Variants in SLC8A2 observed in about 807,000 individuals in gnomAD.
SLC8A2 encodes the protein sodium/calcium exchanger 2.
A neutral mutation model predicts 70.2 loss-of-function variants in SLC8A2; 14 were observed. The observed-to-expected ratio is 0.20, with a 90% confidence interval of 0.13 to 0.31. The LOEUF is 0.31. Among genes scored for constraint, SLC8A2 ranks in the 10% least tolerant of loss-of-function variants. The probability of loss-of-function intolerance (pLI) is 1.00; values close to 1 mark genes in which losing one functional copy is unlikely to be tolerated. For synonymous variants in SLC8A2, 575 were observed against 594.3 expected, an observed-to-expected ratio of 0.97 and a Z score of 0.47; for missense variants, 779 against 1,320.1, an observed-to-expected ratio of 0.59 and a Z score of 6.35.
intron 4 of SLC8A2, among the ~76,000 whole-genome samples, chr19:47,445,602 AT>A (rs1433489545): frequency 6.6e-6 from 1 of 151,994 alleles, no homozygotes; most frequent in African/African-American, 2.4e-5. Context: ...AGCGCCTCTA[AT>A]TAGTGCCTGC....
In SLC8A2 at chr19:47,447,760, G is replaced by A; in HGVS notation, c.1763+49C>T. On this transcript the variant is annotated intron_variant, in intron 4 of 9. Transcript: ENST00000236877. The surrounding 1 kb of genome is among the most constrained non-coding windows in gnomAD (Gnocchi z 5.1). The stretch of plus-strand genomic sequence containing the variant: ...CCGCCCCTGAGCCACATCAGGCCTC[G>A]CCCATTCCGAAGCCCCGCCCCTCTC... The A allele has an allele frequency of 1.3e-6, 2 of 1,506,436 alleles. No individual in the cohort carries two copies. Among genetic ancestry groups the A allele is most frequent in the Non-Finnish European group, 8.8e-7 (1 of 1,135,936 alleles). 93.3% of individuals were successfully genotyped at this position (1,506,436 alleles called of 1,614,324 possible). A position where few individuals can be genotyped will look rare whatever the true frequency, so the allele number is the denominator to read the frequency against.
Position 47,447,785 on chromosome 19 carries a change from C to A in SLC8A2, c.1763+24G>T. 6.4e-7 allele frequency: 1 copy of A among 1,564,084 alleles called. No individual in the cohort carries two copies. The highest frequency in any genetic ancestry group is 2.4e-5 in the East Asian group (1 of 41,898). On this transcript the variant is annotated intron_variant, in intron 4 of 9. Transcript: ENST00000236877. This position sits in a 1 kb window ranked among gnomAD's most constrained non-coding sequence, Gnocchi z 5.1. ...GCCCATTCCGAAGCCCCGCCCCTCT[C>A]CGGGCCGCCTCGGGCGTGCTCACAT...
rs1966927585 is a variant in SLC8A2 at position 47,429,859 on chromosome 19, G to C, written c.*230C>G. ...TCACCAACAGGATGGGCTGGAGTTG[G>C]GGTCACCGCAGGGGAGGAACCGGGG... is the stretch of plus-strand genomic sequence containing the variant. On this transcript the variant is annotated 3_prime_UTR_variant, in exon 10 of 10. Coordinates refer to ENST00000236877, the MANE Select transcript of SLC8A2 (RefSeq NM_015063.3). 1.7e-6 allele frequency: 1 copy of C among 591,982 alleles called. No homozygotes were observed. Among genetic ancestry groups the C allele is most frequent in the East Asian group, 2.8e-5 (1 of 35,134 alleles). The allele number at this position is 591,982 out of a possible 1,614,324, so 36.7% of individuals were successfully genotyped here.
chr19:47,466,930 G>A lies in SLC8A2; in HGVS notation c.-16-511C>T, dbSNP rs543794480. Among the ~76,000 whole-genome samples, 20 of 152,244 alleles carry A rather than the reference G, an allele frequency of 1.3e-4. No homozygotes were observed. Among genetic ancestry groups the A allele is most frequent in the African/African-American group, 3.9e-4 (16 of 41,544 alleles). The stretch of plus-strand genomic sequence containing the variant: ...AAATTAGCTGGGCAGGGTGGCGGGA[G>A]CCTGTAACCCCAGCTACTCGGGAGG... On this transcript the variant is annotated intron_variant, in intron 1 of 9. Coordinates refer to ENST00000236877, the MANE Select transcript of SLC8A2 (RefSeq NM_015063.3). This position sits in a 1 kb window ranked among gnomAD's most constrained non-coding sequence, Gnocchi z 6.9.
chr19:47,461,546 C>T (rs1967395359), intron 2 of SLC8A2, among the ~76,000 whole-genome samples: 1 of 152,070 alleles, frequency 6.6e-6, no homozygotes, highest in Non-Finnish European at 1.5e-5. Flanking sequence ...TAAAAATGAG[C>T]CTGGTAGGAA....
chr19:47,437,570 G>A lies in SLC8A2; in HGVS notation c.2011-9C>T. On this transcript the variant is annotated splice_polypyrimidine_tract_variant and intron_variant, in intron 7 of 9. Transcript: ENST00000236877. ...AGTTTATCCACCGTGTTCTGGGGAT[G>A]AGAGGGTGGGGGAGAGGTCACTGCC... 2 of 1,599,706 alleles carry A rather than the reference G, an allele frequency of 1.3e-6. No individual in the cohort carries two copies. The highest frequency in any genetic ancestry group is 1.7e-6 in the Non-Finnish European group (2 of 1,167,580).
intron 4 of SLC8A2, among the ~76,000 whole-genome samples, chr19:47,441,855 G>A (rs1967103691): frequency 6.6e-6 from 1 of 152,206 alleles, no homozygotes; most frequent in South Asian, 2.1e-4. Context: ...TGTAATCCCA[G>A]CACTTTGGGA....
rs900996972 is a variant in SLC8A2 at position 47,429,588 on chromosome 19, G to T, written c.*501C>A. The stretch of plus-strand genomic sequence containing the variant: ...GCTGAGCGGAGCTCCCTGAGGGCTG[G>T]GGGGAAGGGCTGGGAGCTGAGACGG... On this transcript the variant is annotated 3_prime_UTR_variant, in exon 10 of 10. Transcript: ENST00000236877. 1 of 160,102 alleles carries T rather than the reference G, an allele frequency of 6.2e-6. No individual in the cohort carries two copies. Among genetic ancestry groups the T allele is most frequent in the African/African-American group, 2.4e-5 (1 of 41,492 alleles). 9.9% of individuals were successfully genotyped at this position (160,102 alleles called of 1,614,324 possible).
At position 47,466,191 on chromosome 19, in the gene SLC8A2, C is replaced by T. The variant is rs368156880; in HGVS notation, c.213G>A (p.Arg71=). 1.9e-5 allele frequency: 30 copies of T among 1,613,498 alleles called. No homozygotes were observed. The highest frequency in any genetic ancestry group is 2.5e-5 in the Non-Finnish European group (29 of 1,179,592). Residue 71 remains arginine (R), a synonymous_variant, in exon 2 of 10, where the codon CGG becomes CGA. Coordinates refer to ENST00000236877, the MANE Select transcript of SLC8A2 (RefSeq NM_015063.3). The surrounding 1 kb of genome is among the most constrained non-coding windows in gnomAD (Gnocchi z 6.9). ...DDPSLGDKAA[R]AVVYFVAMVY... ...CCATGGCCACAAAGTACACCACTGC[C>T]CGTGCCGCCTTGTCACCCAGCGACG... is the stretch of plus-strand genomic sequence containing the variant.
At chr19:47,454,154 A>G (rs185297771) in intron 3 of SLC8A2, among the ~76,000 whole-genome samples, 1 of 152,230 alleles carries the variant, frequency 6.6e-6, no homozygotes, top group East Asian at 1.9e-4. Flanking sequence ...TCAAAAAACA[A>G]TAAAAAACAA....
At position 47,448,063 on chromosome 19, in the gene SLC8A2, C is replaced by A; in HGVS notation, c.1509G>T (p.Lys503Asn). The A allele has an allele frequency of 6.3e-7, 1 of 1,585,414 alleles. No homozygotes were observed. The change falls in exon 4 of 10, where the codon AAG (lysine) becomes AAT (asparagine). Residue 503 changes from lysine to asparagine, a missense_variant. By Grantham distance (94) the Lys-to-Asn change is moderately conservative. Around this residue, in one of 6 missense-constraint regions of SLC8A2, gnomAD observed 247 missense variants for 362.8 expected, o/e 0.68. Transcript: ENST00000236877. This position sits in a 1 kb window ranked among gnomAD's most constrained non-coding sequence, Gnocchi z 4.8. ...CCAGCAGCGGCGCCACCAGCCGCCCCTTGGGCCGCCCGCCGCCGTCCGGCT... is the reference window on the plus strand; with the variant it reads ...CCAGCAGCGGCGCCACCAGCCGCCCATTGGGCCGCCCGCCGCCGTCCGGCT... ...MFEPDGGGRPKGRLVAPLLAT... is the reference protein window; with the variant it reads ...MFEPDGGGRPNGRLVAPLLAT...
chr19:47,432,233 A>G lies in SLC8A2; in HGVS notation c.2323T>C (p.Cys775Arg). 6.2e-7 allele frequency: 1 copy of G among 1,614,104 alleles called. No homozygotes were observed. Among genetic ancestry groups the G allele is most frequent in the Non-Finnish European group, 8.5e-7 (1 of 1,179,978 alleles). Residue 775 changes from cysteine (C) to arginine (R), a missense_variant, in exon 9 of 10, where the codon TGC becomes CGC. Around this residue, in one of 6 missense-constraint regions of SLC8A2, gnomAD observed 108 missense variants for 269.6 expected, o/e 0.40. Transcript: ENST00000236877. The surrounding 1 kb of genome is among the most constrained non-coding windows in gnomAD (Gnocchi z 6.2). ...LIGDLASHFG[C>R]TVGLKDSVNA... ...ACAGAGTCCTTGAGGCCAACGGTGC[A>G]GCCGAAGTGGGAGGCGAGGTCCCCA...
At chr19:47,438,758 C>T (rs115388049) in intron 6 of SLC8A2, among the ~76,000 whole-genome samples, 233 of 152,216 alleles carry the variant, frequency 1.5e-3, no homozygotes, top group African/African-American at 5.1e-3. Flanking sequence ...ACCCTAATCC[C>T]GACTCTAACA....
intron 2 of SLC8A2, among the ~76,000 whole-genome samples, chr19:47,461,391 T>A (rs923237847): frequency 1.5e-4 from 22 of 147,662 alleles, no homozygotes; most frequent in Non-Finnish European, 2.5e-4. Flanking sequence ...CGCCTGTAAT[T>A]CCAGCTATTA....
Position 47,441,460 on chromosome 19 carries a change from G to C in SLC8A2, c.1764-20C>G. The C allele has an allele frequency of 6.8e-7, 1 of 1,467,694 alleles. No homozygotes were observed. The allele number at this position is 1,467,694 out of a possible 1,614,324, so 90.9% of individuals were successfully genotyped here. The stretch of plus-strand genomic sequence containing the variant: ...GTTTTCCTGTGCAGGGGGTAAGGGG[G>C]AGGCAGAACACTCAGTGTAAGGCCC... On this transcript the variant is annotated intron_variant, in intron 4 of 9. Coordinates refer to ENST00000236877, the MANE Select transcript of SLC8A2 (RefSeq NM_015063.3).
intron 2 of SLC8A2, among the ~76,000 whole-genome samples, chr19:47,458,386 C>G (rs1253959218): frequency 6.7e-6 from 1 of 148,272 alleles, no homozygotes; most frequent in Non-Finnish European, 1.5e-5. Flanking sequence ...CCACCTCTTT[C>G]TGTCTCTCTT....
intron 4 of SLC8A2, among the ~76,000 whole-genome samples, chr19:47,445,927 C>CAG (rs1049197488): frequency 6.6e-6 from 1 of 152,120 alleles, no homozygotes; most frequent in South Asian, 2.1e-4. Context: ...CCAAGCCAGA[C>CAG]AGAGAGAGAG....
intron 8 of SLC8A2, among the ~76,000 whole-genome samples, chr19:47,435,550 G>T (rs868211691): frequency 1.1e-4 from 15 of 133,270 alleles, no homozygotes; most frequent in African/African-American, 2.8e-4. Context: ...TCTTTTCTTC[G>T]TTTTTTTTTT....
At position 47,447,975 on chromosome 19, in the gene SLC8A2, G is replaced by A; in HGVS notation, c.1597C>T (p.His533Tyr). The A allele has an allele frequency of 6.4e-7, 1 of 1,561,072 alleles. No individual in the cohort carries two copies. The highest frequency in any genetic ancestry group is 1.2e-5 in the South Asian group (1 of 85,812). The change falls in exon 4 of 10, where the codon CAC (histidine) becomes TAC (tyrosine). Residue 533 changes from histidine to tyrosine, a missense_variant. Coordinates refer to ENST00000236877, the MANE Select transcript of SLC8A2 (RefSeq NM_015063.3). This position sits in a 1 kb window ranked among gnomAD's most constrained non-coding sequence, Gnocchi z 5.1. ...GIFSFQDRLL[H>Y]VSECMGTVDV... Reference sequence around the variant, plus strand: ...ACGGTGCCCATGCACTCGCTCACGTGCAGCAGGCGGTCCTGGAAGGAGAAG... The same window carrying A: ...ACGGTGCCCATGCACTCGCTCACGTACAGCAGGCGGTCCTGGAAGGAGAAG...
Sources: gnomAD v4.1 joint callset for allele counts (sites outside exome capture counted in the v4.1 genomes callset) on GRCh38, gnomAD v4.1.1 for gene constraint, gnomAD v4.1.1 regional missense constraint, Gnocchi (gnomAD v3.1) non-coding constraint, MANE v1.5 for transcripts, NCBI Gene and HGNC (gene_info 2026-07-23, HGNC 2026-07-21) for gene names.